The following SLIT3 variants were observed in gnomAD, a reference collection of about 807,000 sequenced individuals.
The protein encoded by SLIT3 is slit homolog 3 protein.
SLIT3 carries 68 observed loss-of-function variants against 184.0 expected under a neutral mutation model. That is an observed-to-expected ratio of 0.37 (90% CI 0.30 to 0.45). The LOEUF (loss-of-function observed/expected upper bound fraction) is 0.45, where lower values mean the gene tolerates loss of function less well. Ranked by LOEUF, SLIT3 falls within the 20% of genes least tolerant of loss-of-function variation. The pLI, the probability that SLIT3 is intolerant of heterozygous loss-of-function variation, is 1.00. For synonymous variants in SLIT3, 831 were observed against 828.6 expected, an observed-to-expected ratio of 1.00 and a Z score of -0.05; for missense variants, 1,707 against 2,026.0, an observed-to-expected ratio of 0.84 and a Z score of 3.02.
At chr5:169,270,984 T>A (rs928122703) in intron 1 of SLIT3, among the ~76,000 whole-genome samples, 20 of 152,188 alleles carry the variant, frequency 1.3e-4, no homozygotes, top group African/African-American at 4.8e-4. Context: ...AAGTGCTCCA[T>A]CTCTTTGCTC....
chr5:168,800,383 T>C (rs977356332), intron 9 of SLIT3, among the ~76,000 whole-genome samples: 3 of 152,068 alleles, frequency 2.0e-5, no homozygotes, highest in African/African-American at 7.2e-5. Flanking sequence ...GTCAGGAGTT[T>C]GAGACCAGCC....
chr5:168,934,221 C>T lies in SLIT3; in HGVS notation c.414-50885G>A, dbSNP rs532314428. Among the ~76,000 whole-genome samples, 10 of 152,324 alleles carry T rather than the reference C, an allele frequency of 6.6e-5. 1 individual carries two copies. In the East Asian group the frequency reaches 1.9e-3, roughly 29 times the overall value. ...CAGTAATCACCTGCCATCAACTCCC[C>T]AAAGGAATAATTAACCTATGGGAAG... On this transcript the variant is annotated intron_variant, in intron 4 of 35. Transcript: ENST00000519560.
chr5:169,179,060 G>A (rs187574243), intron 4 of SLIT3, among the ~76,000 whole-genome samples: 1,544 of 152,264 alleles, frequency 0.01, 10 homozygotes, highest in South Asian at 0.023. Context: ...ACAACACCAA[G>A]CCAGAGTCTC....
chr5:169,268,849 G>A (rs980884667), intron 1 of SLIT3, among the ~76,000 whole-genome samples: 1 of 152,118 alleles, frequency 6.6e-6, no homozygotes, highest in South Asian at 2.1e-4. Flanking sequence ...GTTTTCCCAC[G>A]TATTGATTTA....
At chr5:168,795,641 G>T in intron 9 of SLIT3, 63 bp from the exon 10 acceptor site, 3 of 1,305,094 alleles carry the variant, frequency 2.3e-6, no homozygotes, top group South Asian at 1.2e-5. Flanking sequence ...GTCACTGAGG[G>T]CTACTGTGTT....
rs1755056093 is a variant in SLIT3 at position 168,984,459 on chromosome 5, C to A, written c.414-101123G>T. Among the ~76,000 whole-genome samples, 3 of 152,166 alleles carry A rather than the reference C, an allele frequency of 2.0e-5. No individual in the cohort carries two copies. The South Asian group carries it at 6.2e-4, about 32-fold the overall frequency. On this transcript the variant is annotated intron_variant, in intron 4 of 35. Coordinates refer to ENST00000519560, the MANE Select transcript of SLIT3 (RefSeq NM_003062.4). Reference sequence around the variant, plus strand: ...TTCCTGTCAATACCCTCTCTTTTGGCTCACTTTGTCTTTTAACCATTATCG... The same window carrying A: ...TTCCTGTCAATACCCTCTCTTTTGGATCACTTTGTCTTTTAACCATTATCG...
rs1760724596 is a variant in SLIT3 at position 168,897,654 on chromosome 5, A to ACACACACACACACACACG, written c.414-14319_414-14318insCGTGTGTGTGTGTGTGTG. On this transcript the variant is annotated intron_variant, in intron 4 of 35. Coordinates refer to ENST00000519560, the MANE Select transcript of SLIT3 (RefSeq NM_003062.4). ...GATGGAGACAGGTGCACGTACACACACACACACACACACACACACACACAA... is the reference window on the plus strand; with the variant it reads ...GATGGAGACAGGTGCACGTACACACACACACACACACACACACGCACACACACACACACACACACACAA... 6.9e-5 allele frequency among the ~76,000 whole-genome samples: 8 copies of ACACACACACACACACACG among 115,388 alleles called. No individual in the cohort carries two copies. The Admixed American group carries it at 7.4e-4, about 11-fold the overall frequency. 75.7% of individuals were successfully genotyped at this position (115,388 alleles called of 152,430 possible). A position where few individuals can be genotyped will look rare whatever the true frequency, so the allele number is the denominator to read the frequency against.
At position 168,794,105 on chromosome 5, in the gene SLIT3, G is replaced by A. The variant is rs1431323773; in HGVS notation, c.1007+1402C>T. Among the ~76,000 whole-genome samples, 12 of 152,176 alleles carry A rather than the reference G, an allele frequency of 7.9e-5. 1 individual carries two copies. Among genetic ancestry groups the A allele is most frequent in the Admixed American group, 7.9e-4 (12 of 15,282 alleles). ...GGGATATTTATTTTTAACATAAAAG[G>A]AATCAGCAGACACTTAACCTCTTTA... is the stretch of plus-strand genomic sequence containing the variant. On this transcript the variant is annotated intron_variant, in intron 10 of 35. Transcript: ENST00000519560.
intron 27 of SLIT3, among the ~76,000 whole-genome samples, chr5:168,699,898 C>A (rs1438163954): frequency 6.6e-6 from 1 of 152,190 alleles, no homozygotes; most frequent in African/African-American, 2.4e-5. Context: ...AGTCTTTAAG[C>A]CTTCACCCAA....
At chr5:168,841,436 C>T (rs191887492) in intron 6 of SLIT3, among the ~76,000 whole-genome samples, 1,663 of 152,262 alleles carry the variant, frequency 0.011, 9 homozygotes, top group Middle Eastern at 0.048. Flanking sequence ...GTTTCGCCCC[C>T]GATACTATGC....
At chr5:169,154,130 G>T (rs934508907) in intron 4 of SLIT3, among the ~76,000 whole-genome samples, 1 of 151,978 alleles carries the variant, frequency 6.6e-6, no homozygotes, top group African/African-American at 2.4e-5. Context: ...CCACCACCAA[G>T]CCTGGCTAAT....
chr5:168,818,523 G>C (rs1467738253), intron 7 of SLIT3, among the ~76,000 whole-genome samples: 1 of 152,214 alleles, frequency 6.6e-6, no homozygotes, highest in Non-Finnish European at 1.5e-5. Flanking sequence ...CTAGAAGTTG[G>C]TAGTGGGTAA....
intron 3 of SLIT3, among the ~76,000 whole-genome samples, chr5:169,230,284 G>C (rs554853623): frequency 6.6e-6 from 1 of 151,864 alleles, no homozygotes; most frequent in Non-Finnish European, 1.5e-5. Flanking sequence ...GAAATGAGAA[G>C]ATTTATCCAG....
intron 4 of SLIT3, among the ~76,000 whole-genome samples, chr5:169,101,705 G>A (rs191228688): frequency 7.2e-5 from 11 of 152,246 alleles, no homozygotes; most frequent in East Asian, 3.9e-4. Flanking sequence ...CCTGCCACTC[G>A]CTACCCCTCT....
At chr5:168,762,763 G>C (rs926436089) in intron 14 of SLIT3, 74 bp from the exon 15 acceptor site, 15 of 1,493,872 alleles carry the variant, frequency 1.0e-5, no homozygotes, top group Non-Finnish European at 1.4e-5. Flanking sequence ...GGTAGTGGGG[G>C]TGGGAGACAG....
In SLIT3 at chr5:168,666,478, C is replaced by CTCTAAGTG; in HGVS notation, c.4540_4547dup (p.Glu1516AspfsTer3). 1 of 1,590,984 alleles carries CTCTAAGTG rather than the reference C, an allele frequency of 6.3e-7. No individual in the cohort carries two copies. Among genetic ancestry groups the CTCTAAGTG allele is most frequent in the East Asian group, 2.2e-5 (1 of 44,558 alleles). On this transcript the variant is annotated stop_gained and frameshift_variant, in exon 36 of 36. Coordinates refer to ENST00000519560, the MANE Select transcript of SLIT3 (RefSeq NM_003062.4). LOFTEE classifies it high-confidence loss of function. ...CTTAGGAACACGCGAGGCAGCCGCA[C>CTCTAAGTG]TCTAAGTGTCTCTCCACCTCTTCTA...
chr5:169,213,627 G>A (rs1024833615), intron 3 of SLIT3, among the ~76,000 whole-genome samples: 2 of 152,078 alleles, frequency 1.3e-5, no homozygotes, highest in African/African-American at 2.4e-5. Flanking sequence ...CTCCATTCCT[G>A]AGCTCTCTGA....
chr5:168,718,730 A>ACACACACACAC (rs1762838289), intron 23 of SLIT3, among the ~76,000 whole-genome samples: 1 of 108,898 alleles, frequency 9.2e-6, no homozygotes, highest in Non-Finnish European at 1.9e-5. Flanking sequence ...ACACACACAC[A>ACACACACACAC]TTCTCTCTCT....
At chr5:169,058,467 A>G (rs1758079175) in intron 4 of SLIT3, among the ~76,000 whole-genome samples, 1 of 152,208 alleles carries the variant, frequency 6.6e-6, no homozygotes, top group Admixed American at 6.5e-5. Flanking sequence ...ACACATTTGG[A>G]GGGATATTTG....
Sources: gnomAD v4.1 joint callset for allele counts (sites outside exome capture counted in the v4.1 genomes callset) on GRCh38, gnomAD v4.1.1 for gene constraint, MANE v1.5 for transcripts, NCBI Gene and HGNC (gene_info 2026-07-23, HGNC 2026-07-21) for gene names.